KYNU: variants seen among roughly 807,000 people sequenced by gnomAD.
KYNU encodes L-kynurenine hydrolase.
In KYNU, 54 loss-of-function variants were observed where a neutral mutation model predicts 59.2. That is an observed-to-expected ratio of 0.91 (90% CI 0.73 to 1.14). KYNU has a LOEUF of 1.14. Ranked by LOEUF, KYNU falls within the 50% of genes most tolerant of loss-of-function variation. The pLI, the probability that KYNU is intolerant of heterozygous loss-of-function variation, is 0.00. For synonymous variants in KYNU, 177 were observed against 192.0 expected, an observed-to-expected ratio of 0.92 and a Z score of 0.65; for missense variants, 567 against 554.4, an observed-to-expected ratio of 1.02 and a Z score of -0.23.
intron 10 of KYNU, among the ~76,000 whole-genome samples, chr2:143,020,651 G>C (rs1231499687): frequency 1.3e-5 from 2 of 152,122 alleles, no homozygotes; most frequent in Non-Finnish European, 2.9e-5. Context: ...CCATTTGGTA[G>C]ACTATAGTTT....
intron 10 of KYNU, among the ~76,000 whole-genome samples, chr2:143,029,256 C>T (rs1263636636): frequency 6.6e-6 from 1 of 152,010 alleles, no homozygotes; most frequent in African/African-American, 2.4e-5. Flanking sequence ...AATGCAGGCC[C>T]CAGATTTCTA....
rs929486784 is a variant in KYNU at position 143,054,727 on chromosome 2, G to C, written c.*12555G>C. 4.6e-5 allele frequency: 7 copies of C among 152,260 alleles called. No individual in the cohort carries two copies. In the South Asian group the frequency reaches 1.0e-3, roughly 23 times the overall value. 9.4% of individuals were successfully genotyped at this position (152,260 alleles called of 1,614,324 possible). ...AGGGGCAATTAAATGATACCATAAA[G>C]AGTCAAATACAGGGCATGCAACATA... On this transcript the variant is annotated 3_prime_UTR_variant, in exon 14 of 14. Coordinates refer to ENST00000264170, the MANE Select transcript of KYNU (RefSeq NM_003937.3).
At chr2:143,016,618 T>C (rs1328705602) in intron 10 of KYNU, among the ~76,000 whole-genome samples, 2 of 152,230 alleles carry the variant, frequency 1.3e-5, no homozygotes, top group African/African-American at 4.8e-5. Context: ...AACTGCTGTT[T>C]ATATTAGATT....
intron 4 of KYNU, among the ~76,000 whole-genome samples, chr2:142,933,057 A>G (rs903742006): frequency 6.6e-6 from 1 of 152,132 alleles, no homozygotes; most frequent in African/African-American, 2.4e-5. Context: ...AGTACACTGC[A>G]GTGAGTTGGC....
intron 1 of KYNU, among the ~76,000 whole-genome samples, chr2:142,884,688 C>CTTTTT (rs70997529): frequency 8.4e-4 from 65 of 77,006 alleles, no homozygotes; most frequent in African/African-American, 9.1e-4. Context: ...TTCTCTTTTC[C>CTTTTT]TTTTTTTTTT....
chr2:142,915,866 T>C (rs949253145), intron 2 of KYNU, among the ~76,000 whole-genome samples: 1 of 152,164 alleles, frequency 6.6e-6, no homozygotes, highest in African/African-American at 2.4e-5. Flanking sequence ...CTGTTCCTAA[T>C]ACTGTCCTTA....
intron 2 of KYNU, among the ~76,000 whole-genome samples, chr2:142,905,445 CTTGTGTCCCGAAGGGAGTTCCTCCT>C (rs1279513597): frequency 2.6e-5 from 4 of 152,174 alleles, no homozygotes; most frequent in African/African-American, 9.7e-5. Flanking sequence ...AGCATCTATC[CTTGTGTCCCGAAGGGAGTTCCTCCT>C]AGGTCTGGTA....
chr2:142,950,381 A>T (rs351697), intron 4 of KYNU, among the ~76,000 whole-genome samples: 43,472 of 152,088 alleles, frequency 0.29, 10,071 homozygotes, highest in African/African-American at 0.62. Flanking sequence ...GACTGGGCAA[A>T]TTACAAATGA....
At chr2:142,929,368 A>C (rs1001401198) in intron 4 of KYNU, among the ~76,000 whole-genome samples, 2 of 61,114 alleles carry the variant, frequency 3.3e-5, no homozygotes, top group Non-Finnish European at 7.7e-5. Context: ...TCAAAAAAAA[A>C]AAAAAAAAAA....
intron 2 of KYNU, among the ~76,000 whole-genome samples, chr2:142,901,662 A>G (rs964465251): frequency 6.6e-6 from 1 of 152,248 alleles, no homozygotes; most frequent in South Asian, 2.1e-4. Flanking sequence ...CTAGGTAAGA[A>G]TACTTTGAGT....
intron 10 of KYNU, among the ~76,000 whole-genome samples, chr2:143,004,973 C>A (rs761254049): frequency 6.6e-6 from 1 of 152,176 alleles, no homozygotes; most frequent in Non-Finnish European, 1.5e-5. Context: ...CACCTCAAGG[C>A]TAACATAAAT....
intron 10 of KYNU, chr2:142,989,033 G>C: frequency 1.5e-6 from 1 of 679,050 alleles, no homozygotes; most frequent in South Asian, 1.8e-5. Flanking sequence ...TGTGAGAAGA[G>C]TGATAAACAA....
At chr2:142,883,478 G>A (rs763877359) in intron 1 of KYNU, among the ~76,000 whole-genome samples, 45 of 151,912 alleles carry the variant, frequency 3.0e-4, no homozygotes, top group Admixed American at 4.6e-4. Context: ...GATTACAGGC[G>A]TGAGCCACTG....
At chr2:142,908,407 GT>G (rs546580962) in intron 2 of KYNU, among the ~76,000 whole-genome samples, 24 of 147,306 alleles carry the variant, frequency 1.6e-4, no homozygotes, top group African/African-American at 3.2e-4. Flanking sequence ...TGAGAAGTCT[GT>G]TTTTTTTTTA....
At chr2:143,021,015 A>G (rs1686392084) in intron 10 of KYNU, among the ~76,000 whole-genome samples, 1 of 152,114 alleles carries the variant, frequency 6.6e-6, no homozygotes, top group African/African-American at 2.4e-5. Context: ...ATGTAGTTTT[A>G]ATTTGTATTT....
intron 2 of KYNU, among the ~76,000 whole-genome samples, chr2:142,897,824 G>A (rs1449132534): frequency 6.6e-6 from 1 of 152,150 alleles, no homozygotes; most frequent in Non-Finnish European, 1.5e-5. Context: ...TGGCCTTTTA[G>A]TAGAATATTA....
intron 10 of KYNU, chr2:142,989,546 C>T (rs1685329909): frequency 7.4e-6 from 7 of 948,562 alleles, no homozygotes; most frequent in Non-Finnish European, 6.3e-6. Flanking sequence ...AACATTTCTT[C>T]TCATGGTCCA....
At chr2:142,898,259 T>A (rs1159487663) in intron 2 of KYNU, among the ~76,000 whole-genome samples, 12 of 151,972 alleles carry the variant, frequency 7.9e-5, no homozygotes, top group Admixed American at 6.6e-5. Flanking sequence ...TCTTTTTCTT[T>A]TTTTTTTTCA....
At position 142,885,463 on chromosome 2, in the gene KYNU, C is replaced by T. The variant is rs755209107; in HGVS notation, c.96C>T (p.His32=). 2 of 1,613,990 alleles carry T rather than the reference C, an allele frequency of 1.2e-6. No homozygotes were observed. The highest frequency in any genetic ancestry group is 1.1e-5 in the South Asian group (1 of 91,080). Residue 32 remains histidine (H), a synonymous_variant, in exon 2 of 14, where the codon CAC becomes CAT. Transcript: ENST00000264170. ...CAACGGATGAGAGGGTGGCTCTCCA[C>T]CTAGATGAGGAAGATAAGCTGAGGC... is the stretch of plus-strand genomic sequence containing the variant. ...CHPTDERVAL[H]LDEEDKLRHF...
Sources: gnomAD v4.1 joint callset for allele counts (sites outside exome capture counted in the v4.1 genomes callset) on GRCh38, gnomAD v4.1.1 for gene constraint, MANE v1.5 for transcripts, NCBI Gene and HGNC (gene_info 2026-07-23, HGNC 2026-07-21) for gene names.